CRTAM: variants seen among roughly 807,000 people sequenced by gnomAD.
The protein encoded by CRTAM is cytotoxic and regulatory T-cell molecule.
Under a neutral mutation model 50.0 loss-of-function variants are expected in CRTAM, and 44 were observed. That is an observed-to-expected ratio of 0.88 (90% CI 0.69 to 1.13). The LOEUF is 1.13. Among genes scored for constraint, CRTAM ranks in the 50% most tolerant of loss-of-function variants. CRTAM has a pLI of 0.00. For synonymous variants in CRTAM, 159 were observed against 169.3 expected (o/e 0.94, Z 0.47); for missense variants, 448 against 457.5 (o/e 0.98, Z 0.19).
intron 1 of CRTAM, among the ~76,000 whole-genome samples, chr11:122,849,754 A>G (rs982324823): frequency 6.6e-6 from 1 of 152,020 alleles, no homozygotes; most frequent in Non-Finnish European, 1.5e-5. Flanking sequence ...ATACAGGTAA[A>G]TGGCCTGGTA....
In CRTAM at chr11:122,855,739, A is replaced by G; in HGVS notation, c.535A>G (p.Thr179Ala). The change falls in exon 5 of 10, where the codon ACT (threonine) becomes GCT (alanine). Residue 179 changes from threonine (T) to alanine (A), a missense_variant. Physicochemically the swap from Thr to Ala is moderately conservative, Grantham distance 58. Transcript: ENST00000227348. ...EFETDGKKCN[T>A]TSTLIIHTYG... The stretch of plus-strand genomic sequence containing the variant: ...TGAAACTGATGGGAAGAAATGTAAT[A>G]CTACCAGCACTCTCATAATCCACAC... The G allele has an allele frequency of 6.2e-7, 1 of 1,614,084 alleles. No individual in the cohort carries two copies. The highest frequency in any genetic ancestry group is 8.5e-7 in the Non-Finnish European group (1 of 1,179,904).
intron 1 of CRTAM, among the ~76,000 whole-genome samples, chr11:122,849,636 C>T (rs763456913): frequency 2.0e-5 from 3 of 152,140 alleles, no homozygotes; most frequent in South Asian, 2.1e-4. Flanking sequence ...GCATGAGAAT[C>T]GCTTGAACCC....
chr11:122,851,754 G>T lies in CRTAM; in HGVS notation c.255G>T (p.Val85=), dbSNP rs753118153. Residue 85 remains valine (V), a synonymous_variant, in exon 3 of 10, where the codon GTG becomes GTT. Transcript: ENST00000227348. The part of the protein sequence containing the change: ...HHSANQLSIT[V]PNVTLQDEGV... ...CGGCCAATCAGCTCTCCATCACTGT[G>T]CCTAACGTAACCCTGCAAGATGAAG... 6.2e-7 allele frequency: 1 copy of T among 1,614,108 alleles called. No homozygotes were observed. Among genetic ancestry groups the T allele is most frequent in the East Asian group, 2.2e-5 (1 of 44,884 alleles).
chr11:122,860,049 A>G (rs1373982046), intron 5 of CRTAM, among the ~76,000 whole-genome samples: 1 of 152,034 alleles, frequency 6.6e-6, no homozygotes, highest in Admixed American at 6.6e-5. Context: ...GCAAATGAGG[A>G]GCTATTTTAT....
intron 6 of CRTAM, 96 bp from the exon 7 acceptor site, chr11:122,864,540 C>T (rs1331238920): frequency 3.8e-6 from 3 of 785,232 alleles, no homozygotes; most frequent in Non-Finnish European, 6.2e-6. Context: ...ATTTGGCTTC[C>T]CAAGCTGCTC....
chr11:122,848,062 G>C (rs1032807157), intron 1 of CRTAM, among the ~76,000 whole-genome samples: 3 of 152,158 alleles, frequency 2.0e-5, no homozygotes, highest in African/African-American at 7.2e-5. Flanking sequence ...TGGGCTTTGG[G>C]AATAGGATGC....
intron 2 of CRTAM, among the ~76,000 whole-genome samples, chr11:122,851,278 A>G (rs1861925816): frequency 6.6e-6 from 1 of 152,186 alleles, no homozygotes; most frequent in Admixed American, 6.5e-5. Context: ...AAAAAAAAAA[A>G]AAAAAGTTAT....
At chr11:122,859,472 G>A (rs757515587) in intron 5 of CRTAM, among the ~76,000 whole-genome samples, 8 of 152,050 alleles carry the variant, frequency 5.3e-5, no homozygotes, top group Admixed American at 2.6e-4. Flanking sequence ...AGATTAGTGT[G>A]AAAATGTCAT....
At chr11:122,839,862 A>G (rs1009949267) in intron 1 of CRTAM, among the ~76,000 whole-genome samples, 1 of 152,228 alleles carries the variant, frequency 6.6e-6, no homozygotes, top group Non-Finnish European at 1.5e-5. Context: ...TTTACATAGT[A>G]CTTCAATTCC....
intron 9 of CRTAM, among the ~76,000 whole-genome samples, chr11:122,870,570 T>C (rs1052542913): frequency 1.3e-5 from 2 of 152,216 alleles, no homozygotes; most frequent in African/African-American, 4.8e-5. Flanking sequence ...AAAAATATTC[T>C]CTGGGGCCAT....
At chr11:122,855,097 C>A (rs1023086029) in intron 4 of CRTAM, among the ~76,000 whole-genome samples, 1 of 152,150 alleles carries the variant, frequency 6.6e-6, no homozygotes, top group Non-Finnish European at 1.5e-5. Flanking sequence ...GTGCATGCCA[C>A]AACACCCAGC....
In CRTAM at chr11:122,862,503, A is replaced by T; in HGVS notation, c.692A>T (p.Asn231Ile). Residue 231 changes from asparagine to isoleucine, a missense_variant, in exon 6 of 10, where the codon AAC (asparagine) becomes ATC (isoleucine). Coordinates refer to ENST00000227348, the MANE Select transcript of CRTAM (RefSeq NM_019604.4). ...EETASDALER[N>I]SLSSQDPQQP... is the part of the protein sequence containing the mutation. Reference sequence around the variant, plus strand: ...ACAGCTTCAGATGCTCTGGAGAGAAACTCTCTATCCTCTCAAGACCCACAG... The same window carrying T: ...ACAGCTTCAGATGCTCTGGAGAGAATCTCTCTATCCTCTCAAGACCCACAG... The T allele has an allele frequency of 1.2e-6, 2 of 1,613,286 alleles. No homozygotes were observed. The highest frequency in any genetic ancestry group is 2.7e-5 in the African/African-American group (2 of 75,024).
At chr11:122,853,570 C>T (rs1433136307) in intron 3 of CRTAM, among the ~76,000 whole-genome samples, 1 of 151,708 alleles carries the variant, frequency 6.6e-6, no homozygotes, top group African/African-American at 2.4e-5. Context: ...CTTGTAATCC[C>T]AGCACTTTGG....
intron 1 of CRTAM, among the ~76,000 whole-genome samples, chr11:122,838,901 GC>G (rs1861765099): frequency 6.6e-6 from 1 of 151,988 alleles, no homozygotes; most frequent in Non-Finnish European, 1.5e-5. Flanking sequence ...AGTTGAAAGA[GC>G]ATCCGTATTG....
intron 5 of CRTAM, among the ~76,000 whole-genome samples, chr11:122,859,196 C>T (rs959502214): frequency 2.6e-5 from 4 of 152,122 alleles, no homozygotes; most frequent in African/African-American, 7.2e-5. Flanking sequence ...GCAACTTCCG[C>T]CTCCTGGGTT....
chr11:122,844,515 C>T (rs1861838247), intron 1 of CRTAM, among the ~76,000 whole-genome samples: 1 of 152,216 alleles, frequency 6.6e-6, no homozygotes, highest in Admixed American at 6.5e-5. Flanking sequence ...CTTCCAGTAG[C>T]TTCCTTCCTG....
intron 5 of CRTAM, among the ~76,000 whole-genome samples, chr11:122,861,049 G>T (rs1196587031): frequency 6.6e-6 from 1 of 151,982 alleles, no homozygotes; most frequent in Non-Finnish European, 1.5e-5. Context: ...TAGCATTCCA[G>T]CTTTTCCCTC....
At chr11:122,839,133 C>T (rs1377504444) in intron 1 of CRTAM, among the ~76,000 whole-genome samples, 2 of 151,982 alleles carry the variant, frequency 1.3e-5, no homozygotes, top group African/African-American at 2.4e-5. Context: ...GGGGTTTCAC[C>T]GTGTTAGCCA....
At chr11:122,847,012 C>T (rs773105299) in intron 1 of CRTAM, among the ~76,000 whole-genome samples, 5 of 152,182 alleles carry the variant, frequency 3.3e-5, no homozygotes, top group Non-Finnish European at 7.3e-5. Flanking sequence ...GTCAGTTCAG[C>T]TTTTCAAATA....
Sources: gnomAD v4.1 joint callset for allele counts (sites outside exome capture counted in the v4.1 genomes callset) on GRCh38, gnomAD v4.1.1 for gene constraint, MANE v1.5 for transcripts, NCBI Gene and HGNC (gene_info 2026-07-23, HGNC 2026-07-21) for gene names.